Variants in RORA observed in about 807,000 individuals in gnomAD.
RORA encodes the protein nuclear receptor ROR-alpha.
Under a neutral mutation model 69.5 loss-of-function variants are expected in RORA, and 7 were observed. The observed-to-expected ratio is 0.10, with a 90% CI of 0.06 to 0.19. The LOEUF (loss-of-function observed/expected upper bound fraction) is 0.19. Ranked by LOEUF, RORA falls within the 10% of genes least tolerant of loss-of-function variation. RORA has a pLI of 1.00. For missense variants in RORA, 457 were observed against 663.0 expected (o/e 0.69, Z 3.41); for synonymous variants, 261 against 240.8 (o/e 1.08, Z -0.78).
chr15:61,117,866 C>T (rs2079064656), intron 1 of RORA, among the ~76,000 whole-genome samples: 1 of 152,186 alleles, frequency 6.6e-6, no homozygotes, highest in Admixed American at 6.5e-5. Flanking sequence ...ATAAAGACTT[C>T]AAAAGTACAT....
At chr15:60,795,910 T>G (rs1363577549) in intron 1 of RORA, among the ~76,000 whole-genome samples, 10 of 152,266 alleles carry the variant, frequency 6.6e-5, no homozygotes, top group Non-Finnish European at 1.0e-4. Context: ...CCTCGGTTTC[T>G]TCAGCTTTCA....
At chr15:60,686,433 C>G (rs972459628) in intron 1 of RORA, among the ~76,000 whole-genome samples, 3 of 152,142 alleles carry the variant, frequency 2.0e-5, no homozygotes, top group African/African-American at 7.2e-5. Flanking sequence ...TCATAAGAAG[C>G]CTTATTTTTT....
chr15:60,670,557 A>G (rs945399407), intron 2 of RORA, among the ~76,000 whole-genome samples: 8 of 152,062 alleles, frequency 5.3e-5, no homozygotes, highest in Non-Finnish European at 7.4e-5. Flanking sequence ...TTAACTATTT[A>G]AGACAGTAGG....
intron 2 of RORA, among the ~76,000 whole-genome samples, chr15:60,596,492 C>G (rs2068668715): frequency 6.6e-6 from 1 of 152,018 alleles, no homozygotes; most frequent in Non-Finnish European, 1.5e-5. Flanking sequence ...ACCAAGTTTC[C>G]TATAAACACA....
chr15:61,059,103 T>G (rs1211325908), intron 1 of RORA, among the ~76,000 whole-genome samples: 1 of 152,230 alleles, frequency 6.6e-6, no homozygotes, highest in African/African-American at 2.4e-5. Flanking sequence ...TGTCTATCAG[T>G]CATGGCCTTT....
At chr15:61,129,457 G>C (rs968783743) in intron 1 of RORA, among the ~76,000 whole-genome samples, 1 of 152,092 alleles carries the variant, frequency 6.6e-6, no homozygotes, top group South Asian at 2.1e-4. Context: ...AGGAGGTTAT[G>C]GGGGATGATC....
intron 1 of RORA, among the ~76,000 whole-genome samples, chr15:60,851,089 G>A (rs538644054): frequency 2.0e-5 from 3 of 152,104 alleles, no homozygotes; most frequent in South Asian, 2.1e-4. Context: ...CTTGTTAAGC[G>A]CTTTGCGAGG....
intron 2 of RORA, among the ~76,000 whole-genome samples, chr15:60,610,471 GT>G (rs2069060280): frequency 6.6e-6 from 1 of 152,178 alleles, no homozygotes. Flanking sequence ...CTGGGTTGCA[GT>G]TTAATTCAGC....
At chr15:61,194,466 G>C (rs1434557328) in intron 1 of RORA, among the ~76,000 whole-genome samples, 5 of 151,168 alleles carry the variant, frequency 3.3e-5, no homozygotes, top group African/African-American at 9.7e-5. Flanking sequence ...GGGAGGCTGA[G>C]GCAGGAGAAT....
At chr15:60,803,809 A>G (rs1343771004) in intron 1 of RORA, among the ~76,000 whole-genome samples, 1 of 152,190 alleles carries the variant, frequency 6.6e-6, no homozygotes, top group Non-Finnish European at 1.5e-5. Context: ...CCAAAAAGAG[A>G]TGGCACAGAA....
At chr15:60,993,644 C>CAAAAAAAAAA (rs3053932) in intron 1 of RORA, among the ~76,000 whole-genome samples, 4 of 83,042 alleles carry the variant, frequency 4.8e-5, no homozygotes, top group Non-Finnish European at 6.6e-5. Flanking sequence ...CTCTCCATCT[C>CAAAAAAAAAA]AAAAAAAAAA....
chr15:60,669,164 T>A lies in RORA; in HGVS notation c.196+9493A>T, dbSNP rs560036384. Among the ~76,000 whole-genome samples the A allele has an allele frequency of 1.4e-4, 21 of 152,296 alleles. No homozygotes were observed. The South Asian group carries it at 4.1e-3, about 30-fold the overall frequency. On this transcript the variant is annotated intron_variant, in intron 2 of 10. Transcript: ENST00000335670. ...CCGCAAAATTCAAAGTGCTTATGTA[T>A]TTTTCAAGTTTCACTGCACATTCCA...
At chr15:60,749,902 C>A (rs573713855) in intron 1 of RORA, among the ~76,000 whole-genome samples, 364 of 152,126 alleles carry the variant, frequency 2.4e-3, no homozygotes, top group African/African-American at 8.0e-3. Context: ...TGGTAGTGTG[C>A]GCCTGTAGTC....
rs553155138 is a variant in RORA, at chr15:60,829,050, T to A, written c.167-150364A>T. Among the ~76,000 whole-genome samples, 141 of 152,284 alleles carry A rather than the reference T, an allele frequency of 9.3e-4. 1 individual carries two copies. Among genetic ancestry groups the A allele is most frequent in the Admixed American group, 1.1e-3 (17 of 15,310 alleles). On this transcript the variant is annotated intron_variant, in intron 1 of 10. Transcript: ENST00000335670. ...ACACCCCATGGGTCGGGGGGAGTGA[T>A]GCCTTGGAGCCAGTGAGAGAACCAG... is the stretch of plus-strand genomic sequence containing the variant.
At chr15:61,112,569 G>T (rs1322618509) in intron 1 of RORA, among the ~76,000 whole-genome samples, 1 of 152,138 alleles carries the variant, frequency 6.6e-6, no homozygotes, top group Non-Finnish European at 1.5e-5. Flanking sequence ...TTTATGCAGG[G>T]TGCCACGCGT....
intron 1 of RORA, among the ~76,000 whole-genome samples, chr15:61,155,012 T>C (rs968963075): frequency 1.8e-5 from 2 of 112,830 alleles, no homozygotes; most frequent in Non-Finnish European, 4.6e-5. Flanking sequence ...GACAAATACA[T>C]TGTGGAGTTC....
chr15:61,104,695 T>C (rs148407003), intron 1 of RORA, among the ~76,000 whole-genome samples: 3 of 152,288 alleles, frequency 2.0e-5, no homozygotes, highest in African/African-American at 7.2e-5. Context: ...AAAAAGCAGG[T>C]AGAGTTCCTC....
intron 2 of RORA, among the ~76,000 whole-genome samples, chr15:60,628,214 T>C (rs1363691664): frequency 6.6e-6 from 1 of 152,224 alleles, no homozygotes; most frequent in East Asian, 1.9e-4. Context: ...CATGTCTCTT[T>C]TGCCTCCTCT....
At chr15:60,668,273 T>C (rs1431394515) in intron 2 of RORA, among the ~76,000 whole-genome samples, 1 of 152,214 alleles carries the variant, frequency 6.6e-6, no homozygotes, top group Admixed American at 6.5e-5. Flanking sequence ...GAGGGACTTG[T>C]GTCAGTTAGA....
Sources: allele counts gnomAD v4.1 joint callset (sites outside exome capture counted in the v4.1 genomes callset), GRCh38; gene constraint gnomAD v4.1.1; transcripts MANE v1.5; gene names NCBI Gene and HGNC (gene_info 2026-07-23, HGNC 2026-07-21).